The following REEP1 variants were observed in gnomAD, a reference collection of about 807,000 sequenced individuals.
REEP1 encodes the protein receptor expression-enhancing protein 1.
Under a neutral mutation model 40.3 loss-of-function variants are expected in REEP1, and 22 were observed. The ratio of observed to expected loss-of-function variants is 0.55; its 90% CI spans 0.39 to 0.78. The LOEUF is 0.78. Ranked by LOEUF, REEP1 falls within the 30% of genes least tolerant of loss-of-function variation. The pLI is 0.00. For missense variants in REEP1, 280 were observed against 361.1 expected, an observed-to-expected ratio of 0.78 and a Z score of 1.82; for synonymous variants, 116 against 139.2, an observed-to-expected ratio of 0.83 and a Z score of 1.17.
intron 1 of REEP1, 84 bp from the exon 2 acceptor site, chr2:86,282,326 ACT>A (rs1678141319): frequency 1.9e-6 from 2 of 1,033,000 alleles, no homozygotes; most frequent in African/African-American, 3.1e-5. Context: ...GCCAAGAGCA[ACT>A]CTCTAAGCTA....
At chr2:86,252,113 A>G in intron 4 of REEP1, 43 bp from the exon 5 acceptor site, 1 of 1,318,730 alleles carries the variant, frequency 7.6e-7, no homozygotes, top group Non-Finnish European at 1.1e-6. Context: ...GGAAGGTTCA[A>G]ACACATCTCT....
At chr2:86,297,549 T>C in intron 1 of REEP1, 1 of 208,216 alleles carries the variant, frequency 4.8e-6, no homozygotes, top group Non-Finnish European at 8.4e-6. Context: ...TGGGGTGGAG[T>C]TGGTACAAGC....
In REEP1 at chr2:86,325,029, T is replaced by C. The variant is rs534210571; in HGVS notation, c.32+12450A>G. On this transcript the variant is annotated intron_variant, in intron 1 of 8. Coordinates refer to ENST00000538924, the MANE Select transcript of REEP1 (RefSeq NM_001371279.1). ...CCACCATTTCTTTATAAATAGTCTT[T>C]TCTATTGCCTCATTAATTACTTTTT... 4.6e-5 allele frequency among the ~76,000 whole-genome samples: 7 copies of C among 152,326 alleles called. No homozygotes were observed. The South Asian group carries it at 1.2e-3, about 27-fold the overall frequency.
chr2:86,228,745 A>T (rs1674857320), intron 6 of REEP1, among the ~76,000 whole-genome samples: 1 of 152,080 alleles, frequency 6.6e-6, no homozygotes, highest in Non-Finnish European at 1.5e-5. Flanking sequence ...GGCGTGAGTC[A>T]CCGCGCCTGG....
At chr2:86,280,068 C>T (rs1371175852) in intron 2 of REEP1, 1 of 456,272 alleles carries the variant, frequency 2.2e-6, no homozygotes, top group Admixed American at 2.3e-5. Flanking sequence ...GACATGGTCA[C>T]CAACTGGGTG....
chr2:86,316,108 C>T (rs774668606), intron 1 of REEP1, among the ~76,000 whole-genome samples: 7 of 152,170 alleles, frequency 4.6e-5, no homozygotes, highest in Non-Finnish European at 7.3e-5. Flanking sequence ...GCTCTGGTGA[C>T]AATCTTGAGC....
At chr2:86,235,895 C>T (rs1174622655) in intron 5 of REEP1, among the ~76,000 whole-genome samples, 1 of 152,118 alleles carries the variant, frequency 6.6e-6, no homozygotes, top group Non-Finnish European at 1.5e-5. Flanking sequence ...TTAGCCCTTG[C>T]CCATCAAAAC....
intron 8 of REEP1, among the ~76,000 whole-genome samples, chr2:86,217,321 G>A (rs1674168545): frequency 1.3e-5 from 2 of 152,190 alleles, no homozygotes; most frequent in South Asian, 2.1e-4. Context: ...TTGAGAGGCT[G>A]ATGCCTCCCT....
In REEP1 at chr2:86,216,677, G is replaced by A. The variant is rs1420128077; in HGVS notation, c.*362C>T. ...TTGCATTTACAGGACTAAAAACTAA[G>A]TATGCAACAGATAAATTACAAATGT... is the stretch of plus-strand genomic sequence containing the variant. On this transcript the variant is annotated 3_prime_UTR_variant, in exon 9 of 9. Coordinates refer to ENST00000538924, the MANE Select transcript of REEP1 (RefSeq NM_001371279.1). 1 of 201,066 alleles carries A rather than the reference G, an allele frequency of 5.0e-6. No homozygotes were observed. Among genetic ancestry groups the A allele is most frequent in the Non-Finnish European group, 1.0e-5 (1 of 97,284 alleles). The allele number at this position is 201,066 out of a possible 1,614,324, so 12.5% of individuals were successfully genotyped here. A position where few individuals can be genotyped will look rare whatever the true frequency, so the allele number is the denominator to read the frequency against.
At chr2:86,332,627 G>C (rs1388934413) in intron 1 of REEP1, among the ~76,000 whole-genome samples, 1 of 152,120 alleles carries the variant, frequency 6.6e-6, no homozygotes, top group Non-Finnish European at 1.5e-5. Context: ...AGAAGGAAGT[G>C]GGGAGACTGA....
intron 6 of REEP1, among the ~76,000 whole-genome samples, chr2:86,230,219 A>G (rs1184723411): frequency 6.6e-6 from 1 of 152,178 alleles, no homozygotes; most frequent in Admixed American, 6.5e-5. Flanking sequence ...ATGCTTTTCT[A>G]CCTGATGCTG....
chr2:86,248,000 A>G (rs1676064217), intron 5 of REEP1, among the ~76,000 whole-genome samples: 1 of 152,216 alleles, frequency 6.6e-6, no homozygotes, highest in Non-Finnish European at 1.5e-5. Context: ...TTTTGAAAGG[A>G]TTAACTAAAA....
At chr2:86,324,220 T>G (rs1680401457) in intron 1 of REEP1, among the ~76,000 whole-genome samples, 1 of 152,086 alleles carries the variant, frequency 6.6e-6, no homozygotes, top group East Asian at 1.9e-4. Flanking sequence ...ATAAAATAAA[T>G]CACAGACTGG....
At chr2:86,266,716 C>A (rs1014997599) in intron 2 of REEP1, among the ~76,000 whole-genome samples, 1 of 147,856 alleles carries the variant, frequency 6.8e-6, no homozygotes, top group Non-Finnish European at 1.5e-5. Context: ...CACAAAAAAA[C>A]AAACTAAAAG....
chr2:86,319,509 A>G (rs1680188334), intron 1 of REEP1, among the ~76,000 whole-genome samples: 1 of 152,216 alleles, frequency 6.6e-6, no homozygotes, highest in Non-Finnish European at 1.5e-5. Flanking sequence ...AGCCTGGCCA[A>G]CATGGCAAAA....
At chr2:86,231,840 C>T (rs372150900) in intron 6 of REEP1, among the ~76,000 whole-genome samples, 1 of 152,136 alleles carries the variant, frequency 6.6e-6, no homozygotes, top group Non-Finnish European at 1.5e-5. Flanking sequence ...CTGGTGGATC[C>T]GATGTCGGGG....
chr2:86,337,707 C>T, upstream of REEP1: 1 of 966,012 alleles, frequency 1.0e-6, no homozygotes, highest in South Asian at 4.7e-5. This position sits in a 1 kb window ranked among gnomAD's most constrained non-coding sequence, Gnocchi z 5.8. Flanking sequence ...GCGGCCCCAG[C>T]CCCCCGGGGC....
chr2:86,254,170 T>A (rs115419080), intron 4 of REEP1, among the ~76,000 whole-genome samples: 2,716 of 152,298 alleles, frequency 0.018, 53 homozygotes, highest in Non-Finnish European at 0.023. Flanking sequence ...ATCATTTTTT[T>A]AAAAAAATTC....
chr2:86,304,975 C>T (rs1209426276), intron 1 of REEP1, among the ~76,000 whole-genome samples: 3 of 152,084 alleles, frequency 2.0e-5, no homozygotes, highest in Non-Finnish European at 4.4e-5. Context: ...AGCAGAGACA[C>T]TTCATGCTAA....
Sources: gnomAD v4.1 joint callset for allele counts (sites outside exome capture counted in the v4.1 genomes callset) on GRCh38, gnomAD v4.1.1 for gene constraint, Gnocchi (gnomAD v3.1) non-coding constraint, MANE v1.5 for transcripts, NCBI Gene and HGNC (gene_info 2026-07-23, HGNC 2026-07-21) for gene names.